Variants in MIB1 observed in about 807,000 individuals in gnomAD.
MIB1 encodes the protein E3 ubiquitin-protein ligase MIB1.
A neutral mutation model predicts 124.5 loss-of-function variants in MIB1; 278 were observed. That is an observed-to-expected ratio of 2.23 (90% CI 2.02 to 2.47). MIB1 has a LOEUF of 2.47. MIB1 is among the 30% of genes most tolerant of loss of function. The pLI is 0.00. For missense variants in MIB1, 957 were observed against 1,254.4 expected (o/e 0.76, Z 3.58); for synonymous variants, 446 against 429.4 (o/e 1.04, Z -0.48).
At chr18:21,799,753 G>T (rs1372699883) in intron 8 of MIB1, 88 bp from the exon 9 acceptor site, 7 of 1,253,734 alleles carry the variant, frequency 5.6e-6, no homozygotes, top group South Asian at 1.9e-5. Context: ...AATAGGAAAA[G>T]ATTATAGAAA....
At position 21,779,629 on chromosome 18, in the gene MIB1, T is replaced by A; in HGVS notation, c.852T>A (p.Thr284=). Residue 284 remains threonine, a synonymous_variant, in exon 6 of 21, where the codon ACT becomes ACA. Transcript: ENST00000261537. The part of the protein sequence containing the change: ...GMFETLTTTG[T]VCGIDEDHDI... Reference sequence around the variant, plus strand: ...TTGAGACTTTAACTACAACTGGAACTGTTTGTGGCATTGATGAAGATCATG... The same window carrying A: ...TTGAGACTTTAACTACAACTGGAACAGTTTGTGGCATTGATGAAGATCATG... 6.2e-7 allele frequency: 1 copy of A among 1,614,158 alleles called. No homozygotes were observed. Among genetic ancestry groups the A allele is most frequent in the African/African-American group, 1.3e-5 (1 of 75,060 alleles).
At position 21,774,496 on chromosome 18, in the gene MIB1, G is replaced by A. The variant is rs1349745203; in HGVS notation, c.636+768G>A. Among the ~76,000 whole-genome samples, 6 of 152,282 alleles carry A rather than the reference G, an allele frequency of 3.9e-5. No individual in the cohort carries two copies. The East Asian group carries it at 5.8e-4, about 15-fold the overall frequency. ...CCAGCTATTTGGGAGGCTGAGGCAC[G>A]AGAATCACCTGAACCACGAGGGTCG... On this transcript the variant is annotated intron_variant, in intron 4 of 20. Transcript: ENST00000261537.
chr18:21,752,239 T>C (rs2040982919), intron 1 of MIB1, among the ~76,000 whole-genome samples: 1 of 151,974 alleles, frequency 6.6e-6, no homozygotes, highest in Non-Finnish European at 1.5e-5. Flanking sequence ...GGACAAGCTC[T>C]GCCCTCAGCA....
chr18:21,796,168 T>C (rs959036954), intron 7 of MIB1, among the ~76,000 whole-genome samples: 1 of 152,182 alleles, frequency 6.6e-6, no homozygotes, highest in African/African-American at 2.4e-5. Context: ...TTCTGGATAT[T>C]AGACCTTTGT....
At chr18:21,728,924 C>T (rs1289879986) in intron 1 of MIB1, among the ~76,000 whole-genome samples, 1 of 152,156 alleles carries the variant, frequency 6.6e-6, no homozygotes, top group East Asian at 1.9e-4. Context: ...AGGACTTCTT[C>T]TTTCATGTGA....
rs559544927 is a variant in MIB1 at position 21,857,020 on chromosome 18, G to C, written c.2666-110G>C. On this transcript the variant is annotated intron_variant, in intron 18 of 20. Coordinates refer to ENST00000261537, the MANE Select transcript of MIB1 (RefSeq NM_020774.4). ...GTAGAATTGCATATTGCTATAACTT[G>C]TATAACATTTATTTCAGTGTGAAAT... 7 of 731,236 alleles carry C rather than the reference G, an allele frequency of 9.6e-6. No individual in the cohort carries two copies. The Admixed American group carries it at 1.2e-4, about 13-fold the overall frequency. 45.3% of individuals were successfully genotyped at this position (731,236 alleles called of 1,614,324 possible).
chr18:21,786,606 A>G (rs183534733), intron 6 of MIB1, among the ~76,000 whole-genome samples: 2 of 151,590 alleles, frequency 1.3e-5, no homozygotes, highest in African/African-American at 2.4e-5. Flanking sequence ...GTTAGTCTCT[A>G]TATCTTGTAG....
At chr18:21,790,794 A>C (rs1186339688) in intron 6 of MIB1, among the ~76,000 whole-genome samples, 1 of 152,242 alleles carries the variant, frequency 6.6e-6, no homozygotes, top group African/African-American at 2.4e-5. Context: ...TATTACTTTT[A>C]TAACAGTTTT....
intron 1 of MIB1, among the ~76,000 whole-genome samples, chr18:21,710,934 C>G (rs2040662981): frequency 6.9e-6 from 1 of 145,756 alleles, no homozygotes; most frequent in Admixed American, 7.2e-5. Flanking sequence ...TCGAGCAATT[C>G]TCCTGCATCA....
intron 1 of MIB1, among the ~76,000 whole-genome samples, chr18:21,749,614 AT>A (rs1243061787): frequency 2.1e-5 from 3 of 140,282 alleles, no homozygotes; most frequent in Non-Finnish European, 3.0e-5. Flanking sequence ...CAACTGATAC[AT>A]TTTTTCTAAT....
At position 21,783,942 on chromosome 18, in the gene MIB1, G is replaced by A. The variant is rs1424925392; in HGVS notation, c.908+4257G>A. Among the ~76,000 whole-genome samples, 7 of 151,456 alleles carry A rather than the reference G, an allele frequency of 4.6e-5. No homozygotes were observed. The East Asian group carries it at 7.9e-4, about 17-fold the overall frequency. On this transcript the variant is annotated intron_variant, in intron 6 of 20. Transcript: ENST00000261537. ...TTTTTTTGTAGAGATGGGGTCTTAC[G>A]ATGTTGCCCAGGCTGGTCTTGAACT...
intron 1 of MIB1, among the ~76,000 whole-genome samples, chr18:21,717,615 A>G (rs1239291074): frequency 1.3e-5 from 2 of 152,222 alleles, no homozygotes; most frequent in Non-Finnish European, 1.5e-5. Flanking sequence ...TCAACAGAAA[A>G]AATACAAATG....
chr18:21,858,640 A>G lies in MIB1; in HGVS notation c.2874A>G (p.Lys958=), dbSNP rs769198747. Residue 958 remains lysine, a synonymous_variant, in exon 20 of 21, where the codon AAA becomes AAG. Coordinates refer to ENST00000261537, the MANE Select transcript of MIB1 (RefSeq NM_020774.4). ...QKLQQQLQDI[K]EQTMCPVCLD... is the part of the protein sequence containing the mutation. The stretch of plus-strand genomic sequence containing the variant: ...TGCAGCAACAGTTACAAGACATTAA[A>G]GAGCAGGTAATAATGATTTCATGTA... 2 of 1,528,416 alleles carry G rather than the reference A, an allele frequency of 1.3e-6. No homozygotes were observed. Among genetic ancestry groups the G allele is most frequent in the Non-Finnish European group, 1.8e-6 (2 of 1,102,546 alleles). The allele number at this position is 1,528,416 out of a possible 1,614,324, so 94.7% of individuals were successfully genotyped here. A position where few individuals can be genotyped will look rare whatever the true frequency, so the allele number is the denominator to read the frequency against.
chr18:21,832,962 G>A (rs539322104), intron 12 of MIB1, among the ~76,000 whole-genome samples: 152 of 152,214 alleles, frequency 1.0e-3, no homozygotes, highest in African/African-American at 3.6e-3. Flanking sequence ...CTCTTTCTAA[G>A]CCCTTTATAA....
chr18:21,717,726 A>G (rs1415314918), intron 1 of MIB1, among the ~76,000 whole-genome samples: 1 of 152,206 alleles, frequency 6.6e-6, no homozygotes, highest in Non-Finnish European at 1.5e-5. Flanking sequence ...AAATGGCCAT[A>G]ATCAAAAAAT....
chr18:21,778,872 G>A (rs944705412), intron 5 of MIB1, among the ~76,000 whole-genome samples: 1 of 151,756 alleles, frequency 6.6e-6, no homozygotes, highest in Non-Finnish European at 1.5e-5. Context: ...CACAAAACAA[G>A]CTTTCTTGTT....
chr18:21,763,213 T>C (rs1456339795), intron 1 of MIB1, among the ~76,000 whole-genome samples: 3 of 152,158 alleles, frequency 2.0e-5, no homozygotes, highest in Non-Finnish European at 4.4e-5. Context: ...TGATTTTGAA[T>C]ATTAAGTGGA....
chr18:21,845,377 A>G (rs968081355), intron 15 of MIB1, among the ~76,000 whole-genome samples: 2 of 152,112 alleles, frequency 1.3e-5, no homozygotes, highest in African/African-American at 4.8e-5. Context: ...CTAATTTATC[A>G]AGTTTTTCTT....
intron 12 of MIB1, among the ~76,000 whole-genome samples, chr18:21,836,136 C>A (rs1349649310): frequency 6.6e-6 from 1 of 151,836 alleles, no homozygotes; most frequent in South Asian, 2.1e-4. Flanking sequence ...TACCCATACT[C>A]CCAGCTACTC....
Sources: allele counts gnomAD v4.1 joint callset (sites outside exome capture counted in the v4.1 genomes callset), GRCh38; gene constraint gnomAD v4.1.1; transcripts MANE v1.5; gene names NCBI Gene and HGNC (gene_info 2026-07-23, HGNC 2026-07-21).